Variants in GTF3C2 observed in about 807,000 individuals in gnomAD.
GTF3C2 encodes general transcription factor 3C polypeptide 2.
Under a neutral mutation model 117.4 loss-of-function variants are expected in GTF3C2, and 17 were observed. The ratio of observed to expected loss-of-function variants is 0.14; its 90% CI spans 0.10 to 0.22. GTF3C2 has a LOEUF of 0.22. Ranked by LOEUF, GTF3C2 falls within the 10% of genes least tolerant of loss-of-function variation. The probability of loss-of-function intolerance (pLI) is 1.00; values close to 1 mark genes in which losing one functional copy is unlikely to be tolerated. For synonymous variants in GTF3C2, 437 were observed against 427.0 expected (o/e 1.02, Z -0.29); for missense variants, 888 against 1,143.6 (o/e 0.78, Z 3.22).
At chr2:27,332,171 C>T (rs1452160548) in intron 12 of GTF3C2, among the ~76,000 whole-genome samples, 1 of 151,868 alleles carries the variant, frequency 6.6e-6, no homozygotes, top group African/African-American at 2.4e-5. Context: ...ACAGTATGAT[C>T]CCATTTATTT....
intron 15 of GTF3C2, 83 bp downstream of exon 15, chr2:27,328,761 A>G: frequency 8.7e-7 from 1 of 1,146,026 alleles, no homozygotes; most frequent in Non-Finnish European, 1.3e-6. Flanking sequence ...CTTCTACCCA[A>G]AACTACTGCC....
intron 4 of GTF3C2, among the ~76,000 whole-genome samples, chr2:27,338,444 G>A (rs1680579211): frequency 9.3e-6 from 1 of 107,846 alleles, no homozygotes; most frequent in Non-Finnish European, 1.8e-5. Context: ...CTACACAGGC[G>A]CGCACGCGCA....
Position 27,337,203 on chromosome 2 carries a change from G to C in GTF3C2, c.1127+41C>G, listed in dbSNP as rs112689423. 2,206 of 1,166,682 alleles carry C rather than the reference G, an allele frequency of 1.9e-3. 35 individuals are homozygous for C. In the African/African-American group the frequency reaches 0.029, roughly 15 times the overall value. The allele number at this position is 1,166,682 out of a possible 1,614,324, so 72.3% of individuals were successfully genotyped here. A position where few individuals can be genotyped will look rare whatever the true frequency, so the allele number is the denominator to read the frequency against. On this transcript the variant is annotated intron_variant, in intron 7 of 18. Coordinates refer to ENST00000264720, the Ensembl canonical transcript of GTF3C2. Reference sequence around the variant, plus strand: ...TCAACATTCATTTTTCTTGTTTCTGGCTCCTAGAATCAGAAAAAAGGGCGG... The same window carrying C: ...TCAACATTCATTTTTCTTGTTTCTGCCTCCTAGAATCAGAAAAAAGGGCGG...
Position 27,337,919 on chromosome 2 carries a change from G to C in GTF3C2, c.950+7C>G. 6.5e-7 allele frequency: 1 copy of C among 1,541,520 alleles called. No homozygotes were observed. The highest frequency in any genetic ancestry group is 9.0e-7 in the Non-Finnish European group (1 of 1,113,684). The stretch of plus-strand genomic sequence containing the variant: ...ATTAACCCCAGCCCCCTGTCCCCAA[G>C]TCTCACAAGTCCTTGGTGAGATGGA... On this transcript the variant is annotated splice_region_variant and intron_variant, in intron 5 of 18. Coordinates refer to ENST00000264720, the Ensembl canonical transcript of GTF3C2.
At chr2:27,338,504 G>A (rs548328966) in intron 4 of GTF3C2, among the ~76,000 whole-genome samples, 2 of 152,154 alleles carry the variant, frequency 1.3e-5, no homozygotes, top group East Asian at 3.9e-4. Flanking sequence ...CTCATCTCAT[G>A]TCCCATGGCT....
intron 4 of GTF3C2, 30 bp downstream of exon 4, chr2:27,341,918 C>A (rs1305945021): frequency 6.3e-7 from 1 of 1,587,608 alleles, no homozygotes; most frequent in Admixed American, 1.7e-5. Context: ...CTACTATGTC[C>A]CCATTCACTT....
chr2:27,353,536 TC>T (rs1330556688), intron 1 of GTF3C2, among the ~76,000 whole-genome samples: 1 of 151,884 alleles, frequency 6.6e-6, no homozygotes, highest in African/African-American at 2.4e-5. Flanking sequence ...CCTCTGGGGT[TC>T]AAGTGATTCT....
chr2:27,327,624 CTTTTTT>C (rs918684500), intron 17 of GTF3C2, among the ~76,000 whole-genome samples: 8 of 92,594 alleles, frequency 8.6e-5, no homozygotes, highest in South Asian at 3.4e-4. Flanking sequence ...ACGCCTGGCC[CTTTTTT>C]TTTTTTTTTT....
At chr2:27,338,213 C>T (rs1430181640) in intron 4 of GTF3C2, 193 bp from the exon 5 acceptor site, 13 of 573,584 alleles carry the variant, frequency 2.3e-5, no homozygotes, top group Middle Eastern at 4.1e-4. Flanking sequence ...ACTCCTCCAT[C>T]GAAAATGCAA....
chr2:27,354,178 G>C lies in GTF3C2; in HGVS notation c.-25+2561C>G, dbSNP rs531848230. ...AATACCTGTAGCTCTAGCTATTCGA[G>C]AGGCTGAGGCAGGAGGATCGCCTGA... is the stretch of plus-strand genomic sequence containing the variant. On this transcript the variant is annotated intron_variant, in intron 1 of 18. Coordinates refer to ENST00000264720, the Ensembl canonical transcript of GTF3C2. Among the ~76,000 whole-genome samples, 89 of 152,052 alleles carry C rather than the reference G, an allele frequency of 5.9e-4. No homozygotes were observed. In the South Asian group the frequency reaches 0.017, roughly 29 times the overall value.
intron 10 of GTF3C2, among the ~76,000 whole-genome samples, chr2:27,334,879 A>G (rs1572568261): frequency 1.3e-5 from 2 of 152,114 alleles, no homozygotes; most frequent in East Asian, 3.9e-4. Flanking sequence ...TCCTAGGCTC[A>G]AGCAATCCTC....
At chr2:27,332,392 T>C (rs1037092354) in intron 12 of GTF3C2, among the ~76,000 whole-genome samples, 2 of 151,962 alleles carry the variant, frequency 1.3e-5, no homozygotes, top group African/African-American at 4.8e-5. Context: ...TTCCTCACTT[T>C]TTAATTTTTT....
In GTF3C2 at chr2:27,336,530, C is replaced by T. The variant is rs1572570441; in HGVS notation, c.1128-105G>A. ...CAGTATGAACTGGCTCAAGCAAGAG[C>T]CTGAATATCAAAAACAGTTTACAAG... On this transcript the variant is annotated intron_variant, in intron 7 of 18. Transcript: ENST00000264720. 1.1e-5 allele frequency: 7 copies of T among 666,126 alleles called. No individual in the cohort carries two copies. The East Asian group carries it at 1.9e-4, about 18-fold the overall frequency. The allele number at this position is 666,126 out of a possible 1,614,324, so 41.3% of individuals were successfully genotyped here.
intron 1 of GTF3C2, among the ~76,000 whole-genome samples, chr2:27,354,079 G>A (rs1572588377): frequency 6.6e-6 from 1 of 151,066 alleles, no homozygotes; most frequent in Non-Finnish European, 1.5e-5. Flanking sequence ...AAAAGGGTGG[G>A]AGCCTGGACA....
At chr2:27,331,450 T>G (rs1680269084) in intron 12 of GTF3C2, among the ~76,000 whole-genome samples, 1 of 152,036 alleles carries the variant, frequency 6.6e-6, no homozygotes, top group South Asian at 2.1e-4. Flanking sequence ...CTCAGCCTCC[T>G]GAGTAGCTGG....
intron 12 of GTF3C2, among the ~76,000 whole-genome samples, chr2:27,331,789 A>G (rs1004745556): frequency 5.3e-5 from 8 of 151,942 alleles, no homozygotes; most frequent in Admixed American, 3.3e-4. Context: ...AAATACAAAA[A>G]TTAGCCAGGC....
intron 1 of GTF3C2, 74 bp from the exon 2 acceptor site, chr2:27,343,652 T>G: frequency 1.3e-5 from 16 of 1,269,760 alleles, no homozygotes; most frequent in Non-Finnish European, 1.8e-5. Flanking sequence ...TTTCCCCATC[T>G]TTTCTCCCTC....
At chr2:27,346,475 C>G (rs1319464020) in intron 1 of GTF3C2, among the ~76,000 whole-genome samples, 1 of 150,028 alleles carries the variant, frequency 6.7e-6, no homozygotes, top group Non-Finnish European at 1.5e-5. Flanking sequence ...CCTCAGCCGC[C>G]TGAGTAGTTG....
intron 4 of GTF3C2, among the ~76,000 whole-genome samples, chr2:27,339,409 CA>C (rs761860478): frequency 0.056 from 2,626 of 46,716 alleles, 27 homozygotes; most frequent in African/African-American, 0.15. Context: ...AACTCCGTCT[CA>C]AAAAAAAAAA....
Sources: gnomAD v4.1 joint callset for allele counts (sites outside exome capture counted in the v4.1 genomes callset) on GRCh38, gnomAD v4.1.1 for gene constraint, MANE v1.5 for transcripts, NCBI Gene and HGNC (gene_info 2026-07-23, HGNC 2026-07-21) for gene names.